Variants in NQO2 observed in about 807,000 individuals in gnomAD.
The protein encoded by NQO2 is ribosyldihydronicotinamide dehydrogenase [quinone].
In NQO2, 18 loss-of-function variants were observed where a neutral mutation model predicts 22.0. That is an observed-to-expected ratio of 0.82 (90% CI 0.56 to 1.21). The LOEUF is 1.21. Among genes scored for constraint, NQO2 ranks in the 50% most tolerant of loss-of-function variants. The pLI, the probability that NQO2 is intolerant of heterozygous loss-of-function variation, is 0.00. For synonymous variants in NQO2, 106 were observed against 110.8 expected, an observed-to-expected ratio of 0.96 and a Z score of 0.28; for missense variants, 267 against 286.9, an observed-to-expected ratio of 0.93 and a Z score of 0.50.
chr6:3,014,041 G>A (rs1415001699), intron 4 of NQO2, among the ~76,000 whole-genome samples: 1 of 152,202 alleles, frequency 6.6e-6, no homozygotes, highest in African/African-American at 2.4e-5. Context: ...CCTGCTTGAG[G>A]ATGCGGAGTG....
Position 3,013,014 on chromosome 6 carries a change from G to A in NQO2, c.303+340G>A, listed in dbSNP as rs28383628. ...TCTGTCGCCCAGGCTGGAGTGCAGT[G>A]GCGGGATCTCGGCTCACTGCAAGCT... On this transcript the variant is annotated intron_variant, in intron 4 of 6. Coordinates refer to ENST00000380455, the MANE Select transcript of NQO2 (RefSeq NM_000904.6). 5.4e-3 allele frequency among the ~76,000 whole-genome samples: 710 copies of A among 132,296 alleles called. 2 individuals are homozygous for A. The highest frequency in any genetic ancestry group is 8.5e-3 in the Non-Finnish European group (547 of 64,038). The allele number at this position is 132,296 out of a possible 152,430, so 86.8% of individuals were successfully genotyped here. A position where few individuals can be genotyped will look rare whatever the true frequency, so the allele number is the denominator to read the frequency against.
chr6:3,000,527 GAA>G (rs113900840), intron 1 of NQO2, among the ~76,000 whole-genome samples: 4 of 147,726 alleles, frequency 2.7e-5, no homozygotes, highest in Admixed American at 1.3e-4. Flanking sequence ...ATCTCTCTGG[GAA>G]AAAAAAAAAT....
At position 3,006,464 on chromosome 6, in the gene NQO2, C is replaced by G. The variant is rs769447818; in HGVS notation, c.-85-4C>G. The G allele has an allele frequency of 6.2e-7, 1 of 1,604,606 alleles. No homozygotes were observed. The highest frequency in any genetic ancestry group is 1.3e-5 in the African/African-American group (1 of 74,364). On this transcript the variant is annotated splice_region_variant and splice_polypyrimidine_tract_variant and intron_variant, in intron 1 of 6. Coordinates refer to ENST00000380455, the MANE Select transcript of NQO2 (RefSeq NM_000904.6). The surrounding 1 kb of genome is among the most constrained non-coding windows in gnomAD (Gnocchi z 4.0). ...ACCCCCTCTGGGTTCGTTTTGTCTTCCAGATTGCTGGACTCGCTGAAGAGA... is the reference window on the plus strand; with the variant it reads ...ACCCCCTCTGGGTTCGTTTTGTCTTGCAGATTGCTGGACTCGCTGAAGAGA...
chr6:3,010,218 T>C, intron 3 of NQO2, 29 bp downstream of exon 3: 1 of 1,523,100 alleles, frequency 6.6e-7, no homozygotes. Flanking sequence ...GCTCTATTTA[T>C]AAAAACCATC....
chr6:3,009,942 C>A, intron 2 of NQO2, 83 bp from the exon 3 acceptor site: 1 of 1,509,988 alleles, frequency 6.6e-7, no homozygotes. Flanking sequence ...TGCACCTGAA[C>A]ATTCAATTTT....
At chr6:3,018,831 A>C (rs543204875) in intron 6 of NQO2, among the ~76,000 whole-genome samples, 154 of 147,668 alleles carry the variant, frequency 1.0e-3, no homozygotes, top group Non-Finnish European at 1.9e-3. Flanking sequence ...TTTTAAAAAA[A>C]TCTTTTTTTT....
At chr6:3,009,578 A>G (rs1757074784) in intron 2 of NQO2, among the ~76,000 whole-genome samples, 1 of 152,264 alleles carries the variant, frequency 6.6e-6, no homozygotes, top group Non-Finnish European at 1.5e-5. Context: ...TGAAATCTTC[A>G]CAATTTACGT....
Position 3,019,541 on chromosome 6 carries a change from A to T in NQO2, c.582A>T (p.Glu194Asp). 6.2e-7 allele frequency: 1 copy of T among 1,614,172 alleles called. No homozygotes were observed. Among genetic ancestry groups the T allele is most frequent in the Non-Finnish European group, 8.5e-7 (1 of 1,180,036 alleles). Reference protein sequence around the residue: ...VLAPQISFAPEIASEEERKGM... With the variant: ...VLAPQISFAPDIASEEERKGM... ...CCCCTCAGATCAGCTTTGCTCCTGA[A>T]ATTGCATCCGAAGAAGAAAGAAAGG... Residue 194 changes from glutamate to aspartate, a missense_variant, in exon 7 of 7, where the codon GAA becomes GAT. Transcript: ENST00000380455.
chr6:3,009,839 C>A (rs28383620), intron 2 of NQO2, 186 bp from the exon 3 acceptor site: 12,975 of 750,462 alleles, frequency 0.017, 219 homozygotes, highest in African/African-American at 0.075. Context: ...TGCATTCCAG[C>A]CTGGGTGACA....
At position 3,010,952 on chromosome 6, in the gene NQO2, G is replaced by GAAA. The variant is rs35198315; in HGVS notation, c.172+773_172+775dup. Among the ~76,000 whole-genome samples, 213 of 149,034 alleles carry GAAA rather than the reference G, an allele frequency of 1.4e-3. 1 individual carries two copies. Among genetic ancestry groups the GAAA allele is most frequent in the African/African-American group, 5.0e-3 (202 of 40,618 alleles). Reference sequence around the variant, plus strand: ...AAAAGCAGGTGGTGGCTTAGTAGAGGAAAAAAAAAAAATTTAATAAGAAAG... The same window carrying GAAA: ...AAAAGCAGGTGGTGGCTTAGTAGAGGAAAAAAAAAAAAAAATTTAATAAGAAAG... On this transcript the variant is annotated intron_variant, in intron 3 of 6. Transcript: ENST00000380455.
intron 2 of NQO2, among the ~76,000 whole-genome samples, chr6:3,008,487 T>C (rs1027194533): frequency 9.9e-5 from 15 of 151,828 alleles, no homozygotes; most frequent in African/African-American, 3.6e-4. Flanking sequence ...CGGTGGCTCA[T>C]GCCTGTAATC....
At chr6:3,004,697 G>C in intron 1 of NQO2, 1 of 967,748 alleles carries the variant, frequency 1.0e-6, no homozygotes, top group Non-Finnish European at 1.2e-6. Context: ...TTTTTGTTTT[G>C]CTGTAAAGAC....
intron 3 of NQO2, among the ~76,000 whole-genome samples, chr6:3,012,193 C>T (rs555084373): frequency 7.9e-5 from 12 of 152,260 alleles, no homozygotes; most frequent in African/African-American, 2.4e-4. Flanking sequence ...GAAATTAAAG[C>T]GTAGAGTTTA....
chr6:3,007,915 A>C (rs549096469), intron 2 of NQO2, among the ~76,000 whole-genome samples: 3 of 152,364 alleles, frequency 2.0e-5, no homozygotes, highest in African/African-American at 7.2e-5. Context: ...AGCATGGAAG[A>C]CTAATTCCAG....
intron 2 of NQO2, among the ~76,000 whole-genome samples, chr6:3,007,088 C>T (rs1364394989): frequency 1.3e-5 from 2 of 152,208 alleles, no homozygotes; most frequent in African/African-American, 4.8e-5. Context: ...TTACTCTATA[C>T]ATTATGGTGT....
rs1353411608 is a variant in NQO2, at chr6:3,000,001, A to C, written c.-170A>C. On this transcript the variant is annotated 5_prime_UTR_variant, in exon 1 of 7. Coordinates refer to ENST00000380455, the MANE Select transcript of NQO2 (RefSeq NM_000904.6). The stretch of plus-strand genomic sequence containing the variant: ...CGAGTGCGCGGTCCAGTGCGGCCGG[A>C]ACCTGGCGCAACTCCTAGAGCGGTC... The C allele has an allele frequency of 6.6e-6, 1 of 152,446 alleles. No homozygotes were observed. Among genetic ancestry groups the C allele is most frequent in the African/African-American group, 2.4e-5 (1 of 41,586 alleles). 9.4% of individuals were successfully genotyped at this position (152,446 alleles called of 1,614,324 possible). A position where few individuals can be genotyped will look rare whatever the true frequency, so the allele number is the denominator to read the frequency against.
Position 3,010,126 on chromosome 6 carries a change from G to A in NQO2, c.109G>A (p.Val37Ile), listed in dbSNP as rs369299279. Residue 37 changes from valine to isoleucine, a missense_variant, in exon 3 of 7, where the codon GTC (valine) becomes ATC (isoleucine). Val to Ile is a conservative substitution (Grantham distance 29). Coordinates refer to ENST00000380455, the MANE Select transcript of NQO2 (RefSeq NM_000904.6). ...VDELSRQGCT[V>I]TVSDLYAMNL... is the part of the protein sequence containing the mutation. ...TGAACTGAGCAGGCAGGGCTGCACC[G>A]TCACAGTGTCTGATTTGTATGCCAT... The A allele has an allele frequency of 3.2e-5, 52 of 1,613,808 alleles. No homozygotes were observed. The highest frequency in any genetic ancestry group is 2.0e-4 in the East Asian group (9 of 44,870).
At chr6:3,002,440 C>G (rs1204293440) in intron 1 of NQO2, among the ~76,000 whole-genome samples, 1 of 151,960 alleles carries the variant, frequency 6.6e-6, no homozygotes, top group Non-Finnish European at 1.5e-5. Context: ...TCCCAAGTAG[C>G]TGGGACTACA....
rs28383605 is a variant in NQO2 at position 3,004,865 on chromosome 6, T to C, written c.-85-1603T>C. ...AAATTGACCATTTTAACCACTTTTT[T>C]TGTTTGTTTGTTTTTTGTGTTTTTG... On this transcript the variant is annotated intron_variant, in intron 1 of 6. Transcript: ENST00000380455. Among the ~76,000 whole-genome samples, 1,130 of 152,274 alleles carry C rather than the reference T, an allele frequency of 7.4e-3. 15 individuals are homozygous for C. Among genetic ancestry groups the C allele is most frequent in the African/African-American group, 0.026 (1,077 of 41,542 alleles).
Sources: allele counts gnomAD v4.1 joint callset (sites outside exome capture counted in the v4.1 genomes callset), GRCh38; gene constraint gnomAD v4.1.1; non-coding constraint Gnocchi (gnomAD v3.1); transcripts MANE v1.5; gene names NCBI Gene and HGNC (gene_info 2026-07-23, HGNC 2026-07-21).